Variants in KMT2C observed in about 807,000 individuals in gnomAD.
KMT2C encodes lysine methyltransferase 2C.
A neutral mutation model predicts 507.9 loss-of-function variants in KMT2C; 88 were observed. The observed-to-expected ratio is 0.17, with a 90% CI of 0.15 to 0.21. The LOEUF (loss-of-function observed/expected upper bound fraction) is 0.21. Among genes scored for constraint, KMT2C ranks in the 10% least tolerant of loss-of-function variants. The probability of loss-of-function intolerance (pLI) is 1.00; values close to 1 mark genes in which losing one functional copy is unlikely to be tolerated. For missense variants in KMT2C, 4,954 were observed against 5,957.8 expected (o/e 0.83, Z 5.55); for synonymous variants, 2,049 against 2,080.8 (o/e 0.98, Z 0.42).
chr7:152,154,271 C>T lies in KMT2C; in HGVS notation c.12135G>A (p.Gly4045=), dbSNP rs1290036410. Residue 4045 remains glycine, a synonymous_variant, in exon 47 of 59, where the codon GGG becomes GGA. Coordinates refer to ENST00000262189, the MANE Select transcript of KMT2C (RefSeq NM_170606.3). ...AAGGTTAAGTGTTGTTCTTACTTTT[C>T]CCAGCAGTGCTAGGAAGAATTGGAA... ...PIIPILPSTA[G]KSSESRRNDI... 1.9e-6 allele frequency: 3 copies of T among 1,613,984 alleles called. No individual in the cohort carries two copies. The African/African-American group carries it at 4.0e-5, about 22-fold the overall frequency.
At chr7:152,266,370 C>T (rs966265345) in intron 7 of KMT2C, among the ~76,000 whole-genome samples, 1 of 151,962 alleles carries the variant, frequency 6.6e-6, no homozygotes, top group Non-Finnish European at 1.5e-5. Flanking sequence ...TCAGCCTCCC[C>T]AGTAGCTGGG....
Position 152,248,240 on chromosome 7 carries a change from G to C in KMT2C, c.2194C>G (p.Leu732Val), listed in dbSNP as rs573054156. 8 of 1,613,602 alleles carry C rather than the reference G, an allele frequency of 5.0e-6. No homozygotes were observed. Among genetic ancestry groups the C allele is most frequent in the Non-Finnish European group, 6.8e-6 (8 of 1,179,810 alleles). Residue 732 changes from leucine to valine, a missense_variant, in exon 14 of 59, where the codon CTT becomes GTT. Physicochemically the swap from Leu to Val is conservative, Grantham distance 32. This residue lies in a region of KMT2C where 376 missense variants were observed against 352.4 expected (regional missense o/e 1.07). Transcript: ENST00000262189. Reference protein sequence around the residue: ...GEKEQKENSELSTGLMDSEMT... With the variant: ...GEKEQKENSEVSTGLMDSEMT... ...TCAGAGTCCATCAATCCAGTAGAAA[G>C]TTCAGAATTTTCTTTCTGTTCCTTT... is the stretch of plus-strand genomic sequence containing the variant.
Position 152,169,256 on chromosome 7 carries a change from T to G in KMT2C, c.9454-7A>C. 6.4e-7 allele frequency: 1 copy of G among 1,550,908 alleles called. No individual in the cohort carries two copies. The highest frequency in any genetic ancestry group is 8.9e-7 in the Non-Finnish European group (1 of 1,123,896). Reference sequence around the variant, plus strand: ...GATGTGTTATACTGCCATCCTAAAATAAGTAAAATTTACAAATATGTTTAT... The same window carrying G: ...GATGTGTTATACTGCCATCCTAAAAGAAGTAAAATTTACAAATATGTTTAT... On this transcript the variant is annotated splice_polypyrimidine_tract_variant and splice_region_variant and intron_variant, in intron 40 of 58. Transcript: ENST00000262189.
chr7:152,342,644 T>C (rs1424226846), intron 2 of KMT2C, among the ~76,000 whole-genome samples: 1 of 152,058 alleles, frequency 6.6e-6, no homozygotes, highest in Non-Finnish European at 1.5e-5. Context: ...TGACAAAACG[T>C]TGGAGGTTCA....
chr7:152,205,993 C>A (rs1277976130), intron 24 of KMT2C, among the ~76,000 whole-genome samples: 3 of 152,080 alleles, frequency 2.0e-5, no homozygotes, highest in African/African-American at 7.2e-5. Context: ...ATACATGGGA[C>A]ACATAGAGCC....
Position 152,182,020 on chromosome 7 carries a change from G to T in KMT2C, c.5840C>A (p.Ser1947Tyr), listed in dbSNP as rs756054369. 1.2e-5 allele frequency: 20 copies of T among 1,614,032 alleles called. No homozygotes were observed. Among genetic ancestry groups the T allele is most frequent in the Non-Finnish European group, 1.6e-5 (19 of 1,180,022 alleles). The change falls in exon 36 of 59, where the codon TCC becomes TAC. Residue 1947 changes from serine to tyrosine, a missense_variant. Ser to Tyr is a moderately radical substitution (Grantham distance 144). This residue lies in a region of KMT2C where 1,689 missense variants were observed against 1,654.3 expected (regional missense o/e 1.02). Transcript: ENST00000262189. Reference sequence around the variant, plus strand: ...AGAAGAACATAAATCTCTGACAGGGGATGGCCTATTTGCTGTTGTCTCATT... The same window carrying T: ...AGAAGAACATAAATCTCTGACAGGGTATGGCCTATTTGCTGTTGTCTCATT... ...QMNETTANRP[S>Y]PVRDLCSSST...
At position 152,163,168 on chromosome 7, in the gene KMT2C, T is replaced by C; in HGVS notation, c.10409A>G (p.Gln3470Arg). The C allele has an allele frequency of 6.2e-7, 1 of 1,614,202 alleles. No homozygotes were observed. Among genetic ancestry groups the C allele is most frequent in the Non-Finnish European group, 8.5e-7 (1 of 1,180,026 alleles). ...CDFMQPLGPL[Q>R]QSPQHQQQMG... ...TTGCTGTTGGTGTTGTGGAGACTGC[T>C]GAAGGGGTCCTAGAGGTTGCATAAA... Residue 3470 changes from glutamine to arginine, a missense_variant, in exon 43 of 59, where the codon CAG (glutamine) becomes CGG (arginine). Physicochemically the swap from Gln to Arg is conservative, Grantham distance 43. This residue lies in a region of KMT2C where 801 missense variants were observed against 751.2 expected (regional missense o/e 1.07). Transcript: ENST00000262189.
intron 1 of KMT2C, among the ~76,000 whole-genome samples, chr7:152,398,024 G>A (rs1418144170): frequency 6.6e-6 from 1 of 152,104 alleles, no homozygotes; most frequent in East Asian, 1.9e-4. Flanking sequence ...CATCATTCAC[G>A]TGTGTTTCAA....
chr7:152,214,381 G>A (rs941894415), intron 23 of KMT2C, among the ~76,000 whole-genome samples: 2 of 152,124 alleles, frequency 1.3e-5, no homozygotes, highest in African/African-American at 4.8e-5. Context: ...AAATTGTGAC[G>A]TGTGTATACA....
chr7:152,258,170 G>C (rs1376830694), intron 9 of KMT2C, among the ~76,000 whole-genome samples: 3 of 152,188 alleles, frequency 2.0e-5, no homozygotes, highest in Non-Finnish European at 4.4e-5. Flanking sequence ...TATAAGATGA[G>C]CTTGTAACAT....
At chr7:152,282,986 G>T (rs2096245526) in intron 6 of KMT2C, among the ~76,000 whole-genome samples, 1 of 151,654 alleles carries the variant, frequency 6.6e-6, no homozygotes, top group South Asian at 2.1e-4. Context: ...ATCCTACCTG[G>T]TATCTCTCCA....
At chr7:152,201,564 G>T (rs1161305572) in intron 26 of KMT2C, among the ~76,000 whole-genome samples, 1 of 132,076 alleles carries the variant, frequency 7.6e-6, no homozygotes, top group Admixed American at 8.9e-5. Flanking sequence ...TCCTAGAAAG[G>T]ACTATTAAGA....
rs1349098872 is a variant in KMT2C at position 152,311,905 on chromosome 7, A to G, written c.632T>C (p.Val211Ala). ...PQQNIVSCVS[V>A]STQTASDDQA... ...ATCATCTGAAGCTGTCTGGGTGCTTACACTTACACAAGATACTATATTCTG... is the reference window on the plus strand; with the variant it reads ...ATCATCTGAAGCTGTCTGGGTGCTTGCACTTACACAAGATACTATATTCTG... Residue 211 changes from valine (V) to alanine (A), a missense_variant, in exon 5 of 59, where the codon GTA becomes GCA. Val to Ala is a moderately conservative substitution (Grantham distance 64, BLOSUM62 0). Around this residue, in one of 29 missense-constraint regions of KMT2C, gnomAD observed 233 missense variants for 263.6 expected, o/e 0.88. Coordinates refer to ENST00000262189, the MANE Select transcript of KMT2C (RefSeq NM_170606.3). The G allele has an allele frequency of 6.2e-7, 1 of 1,610,142 alleles. No individual in the cohort carries two copies. Among genetic ancestry groups the G allele is most frequent in the African/African-American group, 1.3e-5 (1 of 74,898 alleles).
intron 6 of KMT2C, among the ~76,000 whole-genome samples, chr7:152,285,946 T>C (rs1353719694): frequency 2.0e-5 from 3 of 152,162 alleles, no homozygotes; most frequent in Admixed American, 6.5e-5. Flanking sequence ...GATCGCGCCA[T>C]TGCACTCCAG....
chr7:152,194,012 G>C lies in KMT2C; in HGVS notation c.4657C>G (p.Gln1553Glu). The C allele has an allele frequency of 6.4e-7, 1 of 1,552,818 alleles. No homozygotes were observed. The highest frequency in any genetic ancestry group is 8.6e-7 in the Non-Finnish European group (1 of 1,158,316). ...GAATTATAAAGTCATAACATACCCT[G>C]ATTGTGTATTGGCAACAGCTGTGTT... ...PPTQLLPIHN[Q>E]DAFSRMPLMN... is the part of the protein sequence containing the mutation. The change falls in exon 31 of 59, where the codon CAG (glutamine) becomes GAG (glutamate). Residue 1553 changes from glutamine (Q) to glutamate (E), a missense_variant. By Grantham distance (29) the Gln-to-Glu change is conservative. This residue lies in a region of KMT2C where 195 missense variants were observed against 183.7 expected (regional missense o/e 1.06). Transcript: ENST00000262189.
Position 152,294,149 on chromosome 7 carries a change from T to A in KMT2C, c.849+15817A>T, listed in dbSNP as rs910693658. 3.3e-5 allele frequency among the ~76,000 whole-genome samples: 5 copies of A among 151,884 alleles called. No individual in the cohort carries two copies. In the East Asian group the frequency reaches 9.7e-4, roughly 29 times the overall value. ...CCTCCCAAAGTGCTGGGATTACAGGTGTGAGCCACTATGCCCAGCCACATC... is the reference window on the plus strand; with the variant it reads ...CCTCCCAAAGTGCTGGGATTACAGGAGTGAGCCACTATGCCCAGCCACATC... On this transcript the variant is annotated intron_variant, in intron 6 of 58. Transcript: ENST00000262189.
At chr7:152,390,720 A>G (rs1478121410) in intron 1 of KMT2C, among the ~76,000 whole-genome samples, 2 of 152,164 alleles carry the variant, frequency 1.3e-5, no homozygotes, top group African/African-American at 4.8e-5. Context: ...TTCATGTCTT[A>G]AATCCCATGC....
chr7:152,252,190 T>C (rs908377626), intron 10 of KMT2C, 100 bp from the exon 11 acceptor site: 2 of 850,500 alleles, frequency 2.4e-6, no homozygotes, highest in African/African-American at 3.4e-5. Flanking sequence ...AAACAGTTAA[T>C]TAAGTATGAG....
chr7:152,169,012 T>C (rs1373913052), intron 41 of KMT2C, among the ~76,000 whole-genome samples, 174 bp downstream of exon 41: 3 of 152,278 alleles, frequency 2.0e-5, no homozygotes, highest in East Asian at 3.9e-4. Context: ...AAAAAAGCAA[T>C]GAAAACACAC....
Sources: allele counts gnomAD v4.1 joint callset (sites outside exome capture counted in the v4.1 genomes callset), GRCh38; gene constraint gnomAD v4.1.1; regional missense constraint gnomAD v4.1.1; transcripts MANE v1.5; gene names NCBI Gene and HGNC (gene_info 2026-07-23, HGNC 2026-07-21).